Variants in ADAM19 observed in about 807,000 individuals in gnomAD.
ADAM19 encodes the protein disintegrin and metalloproteinase domain-containing protein 19.
ADAM19 carries 65 observed loss-of-function variants against 114.7 expected under a neutral mutation model. The observed-to-expected ratio is 0.57, with a 90% CI of 0.46 to 0.70. ADAM19 has a LOEUF of 0.70. ADAM19 is among the 30% of genes least tolerant of loss of function. ADAM19 has a pLI of 0.00. For synonymous variants in ADAM19, 466 were observed against 460.5 expected (o/e 1.01, Z -0.15); for missense variants, 1,063 against 1,204.7 (o/e 0.88, Z 1.74).
At chr5:157,520,092 G>A (rs955585300) in intron 5 of ADAM19, 61 bp from the exon 6 acceptor site, 2 of 1,494,480 alleles carry the variant, frequency 1.3e-6, no homozygotes, top group African/African-American at 2.8e-5. Context: ...AGTCCCTTGT[G>A]TAGGTCTTAG....
intron 13 of ADAM19, among the ~76,000 whole-genome samples, chr5:157,498,396 G>C (rs144038216): frequency 0.022 from 3,396 of 152,288 alleles, 48 homozygotes; most frequent in Non-Finnish European, 0.031. Context: ...CTCCTTAACC[G>C]GCAGCGGGGC....
chr5:157,557,798 G>A (rs1447387423), intron 3 of ADAM19, among the ~76,000 whole-genome samples: 27 of 152,112 alleles, frequency 1.8e-4, no homozygotes, highest in Non-Finnish European at 1.5e-5. Context: ...TCCTATTCAT[G>A]AGAGCAGAGC....
At chr5:157,504,859 C>T (rs1024017838) in intron 11 of ADAM19, among the ~76,000 whole-genome samples, 2 of 151,734 alleles carry the variant, frequency 1.3e-5, no homozygotes, top group Non-Finnish European at 2.9e-5. Flanking sequence ...GTGGCTCACA[C>T]CTGTAATCCC....
Position 157,478,664 on chromosome 5 carries a change from A to T in ADAM19, c.*2285T>A. On this transcript the variant is annotated 3_prime_UTR_variant, in exon 23 of 23. Coordinates refer to ENST00000257527, the MANE Select transcript of ADAM19 (RefSeq NM_033274.5). ...TGAACAGAGCCAGGAGTGAAGCATT[A>T]GTAGAACTGGTTGCCGAAAGTCTAT... 2 of 985,932 alleles carry T rather than the reference A, an allele frequency of 2.0e-6. No individual in the cohort carries two copies. Among genetic ancestry groups the T allele is most frequent in the Non-Finnish European group, 2.4e-6 (2 of 829,958 alleles). The allele number at this position is 985,932 out of a possible 1,614,324, so 61.1% of individuals were successfully genotyped here.
intron 12 of ADAM19, among the ~76,000 whole-genome samples, chr5:157,500,292 A>G (rs1218132201): frequency 1.3e-5 from 2 of 152,210 alleles, no homozygotes; most frequent in South Asian, 2.1e-4. Flanking sequence ...ACACACCACC[A>G]TGCCCCGCTA....
intron 13 of ADAM19, among the ~76,000 whole-genome samples, chr5:157,498,226 G>T (rs1360830848): frequency 6.6e-6 from 1 of 152,204 alleles, no homozygotes; most frequent in Middle Eastern, 3.2e-3. Context: ...GCCAAGACTG[G>T]GCCAGCTGAG....
intron 3 of ADAM19, among the ~76,000 whole-genome samples, chr5:157,549,713 A>G (rs1757137566): frequency 6.6e-6 from 1 of 152,314 alleles, no homozygotes; most frequent in South Asian, 2.1e-4. Context: ...CAGAGTCTAA[A>G]CTGCCAGAAG....
intron 14 of ADAM19, among the ~76,000 whole-genome samples, chr5:157,496,493 ATAT>A (rs905059830): frequency 4.7e-4 from 71 of 152,140 alleles, no homozygotes; most frequent in Admixed American, 1.8e-3. Flanking sequence ...TATTGTTGTT[ATAT>A]TATTATTATC....
At chr5:157,529,881 T>C (rs10475594) in intron 5 of ADAM19, among the ~76,000 whole-genome samples, 52,231 of 152,060 alleles carry the variant, frequency 0.34, 9,581 homozygotes, top group African/African-American at 0.47. Context: ...GTCAGAACTT[T>C]TCAGTTGATT....
At chr5:157,519,157 G>T (rs1329337789) in intron 6 of ADAM19, among the ~76,000 whole-genome samples, 1 of 152,140 alleles carries the variant, frequency 6.6e-6, no homozygotes, top group Non-Finnish European at 1.5e-5. Flanking sequence ...GCACAGGCAG[G>T]ACAGAGGCCA....
intron 3 of ADAM19, among the ~76,000 whole-genome samples, chr5:157,552,195 C>T (rs1757218727): frequency 6.6e-6 from 1 of 151,988 alleles, no homozygotes; most frequent in Admixed American, 6.6e-5. Context: ...AATGAGATAT[C>T]ATCTCACCCA....
intron 3 of ADAM19, among the ~76,000 whole-genome samples, chr5:157,556,253 C>G (rs1163254724): frequency 1.9e-5 from 2 of 105,352 alleles, no homozygotes; most frequent in African/African-American, 7.3e-5. Flanking sequence ...GGGTCTCACT[C>G]TATTGCCCAG....
At chr5:157,494,843 C>G (rs772397190) in intron 14 of ADAM19, 48 bp from the exon 15 acceptor site, 4 of 1,489,416 alleles carry the variant, frequency 2.7e-6, no homozygotes, top group Non-Finnish European at 2.8e-6. Context: ...GTCAGAAGCC[C>G]CCAAGGGCAA....
In ADAM19 at chr5:157,480,015, G is replaced by A. The variant is rs1754696702; in HGVS notation, c.*934C>T. ...GTCACACTCCTGAGAGCCAGTGAGG[G>A]AAATCCAGTGGCCGACTGTGAGAGA... On this transcript the variant is annotated 3_prime_UTR_variant, in exon 23 of 23. Transcript: ENST00000257527. 1 of 985,960 alleles carries A rather than the reference G, an allele frequency of 1.0e-6. No homozygotes were observed. Among genetic ancestry groups the A allele is most frequent in the Non-Finnish European group, 1.2e-6 (1 of 829,998 alleles). The allele number at this position is 985,960 out of a possible 1,614,324, so 61.1% of individuals were successfully genotyped here.
intron 3 of ADAM19, among the ~76,000 whole-genome samples, chr5:157,541,242 A>G (rs1756910443): frequency 6.6e-6 from 1 of 152,224 alleles, no homozygotes; most frequent in South Asian, 2.1e-4. Flanking sequence ...ACCGGCAGGA[A>G]GCCGTCTCTC....
intron 9 of ADAM19, among the ~76,000 whole-genome samples, chr5:157,507,905 AT>A (rs766646821): frequency 3.2e-4 from 49 of 152,180 alleles, no homozygotes; most frequent in Non-Finnish European, 4.7e-4. Flanking sequence ...CTATATGGAA[AT>A]TCATTATGTG....
At position 157,509,281 on chromosome 5, in the gene ADAM19, T is replaced by G. The variant is rs777677219; in HGVS notation, c.905+20A>C. 6.3e-7 allele frequency: 1 copy of G among 1,595,712 alleles called. No individual in the cohort carries two copies. The highest frequency in any genetic ancestry group is 2.3e-5 in the East Asian group (1 of 44,382). On this transcript the variant is annotated intron_variant, in intron 9 of 22. Coordinates refer to ENST00000257527, the MANE Select transcript of ADAM19 (RefSeq NM_033274.5). The stretch of plus-strand genomic sequence containing the variant: ...CTTTGCAGCCAAGGACAACACAACA[T>G]ATGGAAAAAGGCTATTTACGTGATT...
Position 157,502,794 on chromosome 5 carries a change from A to C in ADAM19, c.1308+9T>G. On this transcript the variant is annotated intron_variant, in intron 12 of 22. Transcript: ENST00000257527. ...TTCCCCTCCCACTAGCACCATTGTG[A>C]CCCCTCACCTCTTCTTCTCCACAGT... The C allele has an allele frequency of 1.3e-6, 2 of 1,588,900 alleles. No individual in the cohort carries two copies. The highest frequency in any genetic ancestry group is 1.7e-6 in the Non-Finnish European group (2 of 1,157,404).
intron 6 of ADAM19, among the ~76,000 whole-genome samples, chr5:157,519,363 C>T (rs1373753859): frequency 6.6e-6 from 1 of 152,210 alleles, no homozygotes; most frequent in Non-Finnish European, 1.5e-5. Flanking sequence ...CTCGCTCTGT[C>T]ACCCAGGCTT....
Sources: gnomAD v4.1 joint callset for allele counts (sites outside exome capture counted in the v4.1 genomes callset) on GRCh38, gnomAD v4.1.1 for gene constraint, MANE v1.5 for transcripts, NCBI Gene and HGNC (gene_info 2026-07-23, HGNC 2026-07-21) for gene names.